Variants in PXDNL observed in about 807,000 individuals in gnomAD.
PXDNL encodes the protein probable oxidoreductase PXDNL.
Under a neutral mutation model 150.8 loss-of-function variants are expected in PXDNL, and 145 were observed. The observed-to-expected ratio is 0.96, with a 90% CI of 0.84 to 1.10. PXDNL has a LOEUF of 1.10. PXDNL is among the 50% of genes least tolerant of loss of function. PXDNL has a pLI of 0.00. For synonymous variants in PXDNL, 757 were observed against 725.7 expected, an observed-to-expected ratio of 1.04 and a Z score of -0.69; for missense variants, 2,087 against 1,873.9, an observed-to-expected ratio of 1.11 and a Z score of -2.10.
At chr8:51,791,040 GTAAA>G (rs1166746175) in intron 1 of PXDNL, among the ~76,000 whole-genome samples, 1 of 151,998 alleles carries the variant, frequency 6.6e-6, no homozygotes, top group Non-Finnish European at 1.5e-5. Context: ...CTGGTACATG[GTAAA>G]TAAGCACAAA....
At chr8:51,670,084 A>C (rs1012764389) in intron 1 of PXDNL, among the ~76,000 whole-genome samples, 4 of 152,158 alleles carry the variant, frequency 2.6e-5, no homozygotes, top group Admixed American at 2.0e-4. Flanking sequence ...TAAAAATACA[A>C]AAATATAGCC....
chr8:51,692,025 T>C (rs1302938808), intron 1 of PXDNL, among the ~76,000 whole-genome samples: 1 of 152,214 alleles, frequency 6.6e-6, no homozygotes, highest in Non-Finnish European at 1.5e-5. Context: ...AGTAGACTCG[T>C]GCTGTTGCAA....
chr8:51,475,558 G>A (rs574190139), intron 6 of PXDNL, among the ~76,000 whole-genome samples: 1 of 152,268 alleles, frequency 6.6e-6, no homozygotes, highest in Non-Finnish European at 1.5e-5. Context: ...GAGGCCAGGA[G>A]TTTGAGACCA....
chr8:51,614,708 C>T (rs1309973771), intron 2 of PXDNL, among the ~76,000 whole-genome samples: 4 of 152,024 alleles, frequency 2.6e-5, no homozygotes, highest in Admixed American at 6.6e-5. Flanking sequence ...TTTTTATTAT[C>T]TACAAGTTTT....
At chr8:51,412,958 T>C (rs1206249233) in intron 15 of PXDNL, among the ~76,000 whole-genome samples, 192 bp downstream of exon 15, 1 of 152,176 alleles carries the variant, frequency 6.6e-6, no homozygotes, top group African/African-American at 2.4e-5. Context: ...CCATTTAGAT[T>C]CTATGGGGAA....
intron 2 of PXDNL, among the ~76,000 whole-genome samples, chr8:51,644,131 G>A (rs993743031): frequency 6.0e-5 from 9 of 151,258 alleles, no homozygotes; most frequent in Admixed American, 1.3e-4. Flanking sequence ...GGGCAACAGC[G>A]TGAGACTCCA....
chr8:51,685,159 GATTATAGGTA>G (rs1815844985), intron 1 of PXDNL, among the ~76,000 whole-genome samples: 1 of 152,136 alleles, frequency 6.6e-6, no homozygotes, highest in Non-Finnish European at 1.5e-5. Flanking sequence ...TTCCTATTCT[GATTATAGGTA>G]TCACCACACT....
intron 18 of PXDNL, among the ~76,000 whole-genome samples, chr8:51,373,413 T>C (rs984238462): frequency 7.9e-5 from 12 of 152,174 alleles, no homozygotes; most frequent in African/African-American, 2.4e-5. Flanking sequence ...TAAACTAATA[T>C]ATATGGGGAA....
At chr8:51,652,179 T>A (rs1163994113) in intron 2 of PXDNL, among the ~76,000 whole-genome samples, 1 of 152,176 alleles carries the variant, frequency 6.6e-6, no homozygotes, top group African/African-American at 2.4e-5. Context: ...TGTGTTCATA[T>A]AAGAGCCATA....
intron 2 of PXDNL, among the ~76,000 whole-genome samples, chr8:51,634,216 C>A (rs1284852877): frequency 1.3e-5 from 2 of 152,022 alleles, no homozygotes; most frequent in African/African-American, 2.4e-5. Context: ...TATCGCAGCA[C>A]CATTTATTGA....
intron 12 of PXDNL, among the ~76,000 whole-genome samples, chr8:51,431,710 A>G (rs1245884097): frequency 6.6e-6 from 1 of 152,060 alleles, no homozygotes; most frequent in Non-Finnish European, 1.5e-5. Context: ...TTCTCACTCA[A>G]TGCACCACCT....
At chr8:51,696,684 C>T (rs369672185) in intron 1 of PXDNL, among the ~76,000 whole-genome samples, 19 of 148,908 alleles carry the variant, frequency 1.3e-4, no homozygotes, top group South Asian at 4.3e-4. Context: ...CACATCCACA[C>T]ACACAGGTCC....
At chr8:51,488,359 C>A (rs1810814845) in intron 5 of PXDNL, among the ~76,000 whole-genome samples, 1 of 152,048 alleles carries the variant, frequency 6.6e-6, no homozygotes, top group Non-Finnish European at 1.5e-5. Flanking sequence ...ACAGTTACGG[C>A]AGGGGCAGAG....
chr8:51,517,345 T>C (rs1019288267), intron 4 of PXDNL, among the ~76,000 whole-genome samples: 5 of 152,052 alleles, frequency 3.3e-5, no homozygotes, highest in African/African-American at 1.2e-4. Context: ...TATACGAAAA[T>C]ATATTGAAGT....
intron 4 of PXDNL, among the ~76,000 whole-genome samples, chr8:51,553,771 T>TATATAC (rs1236843720): frequency 7.8e-5 from 5 of 63,858 alleles, no homozygotes; most frequent in South Asian, 4.3e-4. Flanking sequence ...TATATATATA[T>TATATAC]ACACACACTG....
chr8:51,535,542 C>G (rs1812050870), intron 4 of PXDNL, among the ~76,000 whole-genome samples: 1 of 125,960 alleles, frequency 7.9e-6, no homozygotes. Context: ...GAGTCATCAC[C>G]ACTCCCTAAT....
chr8:51,524,753 C>T (rs1254351920), intron 4 of PXDNL, among the ~76,000 whole-genome samples: 1 of 151,886 alleles, frequency 6.6e-6, no homozygotes, highest in Non-Finnish European at 1.5e-5. Context: ...TTTGTGTGTG[C>T]CTAGTTACAG....
intron 1 of PXDNL, among the ~76,000 whole-genome samples, chr8:51,684,892 G>A (rs889844239): frequency 6.6e-6 from 1 of 152,148 alleles, no homozygotes; most frequent in Non-Finnish European, 1.5e-5. Context: ...AACAGCCTGC[G>A]TGGCCTGCAA....
intron 2 of PXDNL, among the ~76,000 whole-genome samples, chr8:51,637,725 T>C (rs575386083): frequency 2.1e-3 from 313 of 152,308 alleles, no homozygotes; most frequent in African/African-American, 7.1e-3. Context: ...CTACATCTGA[T>C]TGGTCTACCT....
Sources: gnomAD v4.1 joint callset for allele counts (sites outside exome capture counted in the v4.1 genomes callset) on GRCh38, gnomAD v4.1.1 for gene constraint, MANE v1.5 for transcripts, NCBI Gene and HGNC (gene_info 2026-07-23, HGNC 2026-07-21) for gene names.